The following B3GNT6 variants were observed in gnomAD, a reference collection of about 807,000 sequenced individuals.
B3GNT6 encodes UDP-GlcNAc:betaGal beta-1,3-N-acetylglucosaminyltransferase 6.
For missense variants in B3GNT6, 624 were observed against 568.6 expected (o/e 1.10, Z -0.99); for synonymous variants, 300 against 270.0 (o/e 1.11, Z -1.09).
chr11:77,040,490 C>T lies in B3GNT6; in HGVS notation c.939C>T (p.Gly313=), dbSNP rs782184727. Residue 313 remains glycine (G), a synonymous_variant, in exon 2 of 2, where the codon GGC becomes GGT. Coordinates refer to ENST00000622824, the MANE Select transcript of B3GNT6 (RefSeq NM_138706.5). ...TCCCCATCGACGACGCCTACATGGG[C>T]ATGTGTCTGGAGCGCGCCGGCCTGG... The part of the protein sequence containing the change: ...PLFPIDDAYM[G]MCLERAGLAP... The T allele has an allele frequency of 5.2e-6, 8 of 1,540,988 alleles. No individual in the cohort carries two copies. The highest frequency in any genetic ancestry group is 2.4e-5 in the East Asian group (1 of 41,064).
chr11:77,034,416 A>T lies in B3GNT6; in HGVS notation c.-63A>T, dbSNP rs1419042274. 10 of 152,696 alleles carry T rather than the reference A, an allele frequency of 6.5e-5. No homozygotes were observed. The East Asian group carries it at 1.9e-3, about 29-fold the overall frequency. The allele number at this position is 152,696 out of a possible 1,614,324, so 9.5% of individuals were successfully genotyped here. A position where few individuals can be genotyped will look rare whatever the true frequency, so the allele number is the denominator to read the frequency against. Reference sequence around the variant, plus strand: ...GAACCTCAGTGTGTGAAGTAAAGGGATTAAAGGCTAGTCTCAGGCTGGGGA... The same window carrying T: ...GAACCTCAGTGTGTGAAGTAAAGGGTTTAAAGGCTAGTCTCAGGCTGGGGA... On this transcript the variant is annotated 5_prime_UTR_variant, in exon 1 of 2. Coordinates refer to ENST00000622824, the MANE Select transcript of B3GNT6 (RefSeq NM_138706.5).
At chr11:77,037,960 AGAGGAGGGGGGAAGGGGAGGGG>A (rs1949645491) in intron 1 of B3GNT6, among the ~76,000 whole-genome samples, 1 of 14,992 alleles carries the variant, frequency 6.7e-5, no homozygotes, top group African/African-American at 7.3e-4. Context: ...AAGAAGAAGA[AGAGGAGGGGGGAAGGGGAGGGG>A]GAAGAGGGAG....
In B3GNT6 at chr11:77,040,650, T is replaced by C. The variant is rs1555027873; in HGVS notation, c.1099T>C (p.Trp367Arg). Residue 367 changes from tryptophan to arginine, a missense_variant, in exon 2 of 2, where the codon TGG (tryptophan) becomes CGG (arginine). Physicochemically the swap from Trp to Arg is moderately radical, Grantham distance 101. Coordinates refer to ENST00000622824, the MANE Select transcript of B3GNT6 (RefSeq NM_138706.5). ...CGCGCCCTACGAGATGCTGCTCATG[T>C]GGAAGGCGCTGCACAGCCCCGCGCT... ...RFAPYEMLLM[W>R]KALHSPALSC... The C allele has an allele frequency of 3.1e-6, 5 of 1,600,992 alleles. No homozygotes were observed. Among genetic ancestry groups the C allele is most frequent in the Non-Finnish European group, 4.2e-6 (5 of 1,179,134 alleles).
Position 77,040,606 on chromosome 11 carries a change from T to G in B3GNT6, c.1055T>G (p.Leu352Trp). 2 of 1,597,388 alleles carry G rather than the reference T, an allele frequency of 1.3e-6. No individual in the cohort carries two copies. The highest frequency in any genetic ancestry group is 1.1e-5 in the South Asian group (1 of 90,042). Residue 352 changes from leucine to tryptophan, a missense_variant, in exon 2 of 2, where the codon TTG (leucine) becomes TGG (tryptophan). Transcript: ENST00000622824. ...TTCGACCCCTGCATGTACCGCGAGTTGCTGCTAGTGCACCGCTTCGCGCCC... is the reference window on the plus strand; with the variant it reads ...TTCGACCCCTGCATGTACCGCGAGTGGCTGCTAGTGCACCGCTTCGCGCCC... ...SSFDPCMYRE[L>W]LLVHRFAPYE...
At chr11:77,038,006 AGGGGGATATGG>A (rs1949648061) in intron 1 of B3GNT6, among the ~76,000 whole-genome samples, 1 of 4,806 alleles carries the variant, frequency 2.1e-4, no homozygotes, top group African/African-American at 1.5e-3. Context: ...GAGGGGGAGG[AGGGGGATATGG>A]GAGGAGGGGG....
Position 77,040,039 on chromosome 11 carries a change from A to C in B3GNT6, c.488A>C (p.Glu163Ala). ...RLFLLGTPGPEDEARAERLAE... is the reference protein window; with the variant it reads ...RLFLLGTPGPADEARAERLAE... The stretch of plus-strand genomic sequence containing the variant: ...TTTCTATTGGGCACCCCGGGCCCCG[A>C]GGACGAGGCGCGCGCGGAGCGGCTG... The change falls in exon 2 of 2, where the codon GAG (glutamate) becomes GCG (alanine). Residue 163 changes from glutamate to alanine, a missense_variant. Physicochemically the swap from Glu to Ala is moderately radical, Grantham distance 107 (BLOSUM62 -1). Coordinates refer to ENST00000622824, the MANE Select transcript of B3GNT6 (RefSeq NM_138706.5). The C allele has an allele frequency of 6.3e-7, 1 of 1,581,482 alleles. No homozygotes were observed. The highest frequency in any genetic ancestry group is 1.1e-5 in the South Asian group (1 of 88,892).
intron 1 of B3GNT6, among the ~76,000 whole-genome samples, chr11:77,035,111 A>C (rs1322405398): frequency 6.6e-6 from 1 of 151,226 alleles, no homozygotes; most frequent in Non-Finnish European, 1.5e-5. Context: ...CTGAGTCGAG[A>C]AAAAGAAAAA....
At position 77,039,979 on chromosome 11, in the gene B3GNT6, A is replaced by T; in HGVS notation, c.428A>T (p.Glu143Val). The change falls in exon 2 of 2, where the codon GAG becomes GTG. Residue 143 changes from glutamate (E) to valine (V), a missense_variant. Glu to Val is a moderately radical substitution (Grantham distance 121). Transcript: ENST00000622824. ...CTCATCCGGCGCACGTGGGGGCAAG[A>T]GCGCAGCTACGGCGGGCGGCCAGTG... ...RELIRRTWGQ[E>V]RSYGGRPVRR... is the part of the protein sequence containing the mutation. The T allele has an allele frequency of 6.3e-7, 1 of 1,589,300 alleles. No individual in the cohort carries two copies.
intron 1 of B3GNT6, among the ~76,000 whole-genome samples, chr11:77,034,969 G>A (rs988245347): frequency 6.6e-5 from 10 of 152,216 alleles, no homozygotes; most frequent in South Asian, 4.2e-4. Flanking sequence ...GACCAGCCTC[G>A]CAAACATGGT....
At position 77,039,897 on chromosome 11, in the gene B3GNT6, G is replaced by A; in HGVS notation, c.346G>A (p.Gly116Ser). 6.3e-7 allele frequency: 1 copy of A among 1,591,886 alleles called. No individual in the cohort carries two copies. The highest frequency in any genetic ancestry group is 1.1e-5 in the South Asian group (1 of 89,762). Residue 116 changes from glycine (G) to serine (S), a missense_variant, in exon 2 of 2, where the codon GGC (glycine) becomes AGC (serine). Coordinates refer to ENST00000622824, the MANE Select transcript of B3GNT6 (RefSeq NM_138706.5). ...ACCGGCCAAGTGCGCCGGCGGCCGA[G>A]GCGTGTTCCTGCTCCTGGCGGTGAA... ...DAPAKCAGGR[G>S]VFLLLAVKSA...
intron 1 of B3GNT6, among the ~76,000 whole-genome samples, chr11:77,035,164 A>G (rs1949623763): frequency 6.6e-6 from 1 of 152,260 alleles, no homozygotes; most frequent in African/African-American, 2.4e-5. Context: ...TGCAAAGGCA[A>G]GCAATAAATG....
In B3GNT6 at chr11:77,040,787, G is replaced by A. The variant is rs1472763982; in HGVS notation, c.*81G>A. The A allele has an allele frequency of 2.1e-6, 3 of 1,457,856 alleles. No homozygotes were observed. The highest frequency in any genetic ancestry group is 5.1e-5 in the Admixed American group (2 of 39,122). The allele number at this position is 1,457,856 out of a possible 1,614,324, so 90.3% of individuals were successfully genotyped here. On this transcript the variant is annotated 3_prime_UTR_variant, in exon 2 of 2. Transcript: ENST00000622824. ...AGCTTTCCCGCTCTGGGTACCTTAC[G>A]TCCTGCCCAGCTCTGTGCACCTGAA...
At chr11:77,037,223 A>G (rs6592698) in intron 1 of B3GNT6, 115,197 of 151,994 alleles carry the variant, frequency 0.76, 44,363 homozygotes, top group African/African-American at 0.91. Flanking sequence ...GTGTAGAGAC[A>G]CCAAGCAGGA....
At position 77,040,823 on chromosome 11, in the gene B3GNT6, G is replaced by T. The variant is rs1187674840; in HGVS notation, c.*117G>T. On this transcript the variant is annotated 3_prime_UTR_variant, in exon 2 of 2. Transcript: ENST00000622824. ...CTCTGTGCACCTGAACCCCAGCTGCGCACTGAAATCAGCTGGGGTGGGGGG... is the reference window on the plus strand; with the variant it reads ...CTCTGTGCACCTGAACCCCAGCTGCTCACTGAAATCAGCTGGGGTGGGGGG... The T allele has an allele frequency of 2.2e-6, 3 of 1,383,052 alleles. No homozygotes were observed. Among genetic ancestry groups the T allele is most frequent in the Middle Eastern group, 2.6e-4 (1 of 3,814 alleles). 85.7% of individuals were successfully genotyped at this position (1,383,052 alleles called of 1,614,324 possible).
Position 77,039,974 on chromosome 11 carries a change from G to A in B3GNT6, c.423G>A (p.Gly141=), listed in dbSNP as rs552028769. Residue 141 remains glycine, a synonymous_variant, in exon 2 of 2, where the codon GGG becomes GGA. Transcript: ENST00000622824. Reference sequence around the variant, plus strand: ...GCGAGCTCATCCGGCGCACGTGGGGGCAAGAGCGCAGCTACGGCGGGCGGC... The same window carrying A: ...GCGAGCTCATCCGGCGCACGTGGGGACAAGAGCGCAGCTACGGCGGGCGGC... ...ERRELIRRTW[G]QERSYGGRPV... is the part of the protein sequence containing the mutation. 11 of 1,589,302 alleles carry A rather than the reference G, an allele frequency of 6.9e-6. No individual in the cohort carries two copies. The East Asian group carries it at 2.5e-4, about 36-fold the overall frequency.
chr11:77,039,970 G>T lies in B3GNT6; in HGVS notation c.419G>T (p.Trp140Leu). 1 of 1,589,858 alleles carries T rather than the reference G, an allele frequency of 6.3e-7. No individual in the cohort carries two copies. The highest frequency in any genetic ancestry group is 8.5e-7 in the Non-Finnish European group (1 of 1,175,816). Residue 140 changes from tryptophan (W) to leucine (L), a missense_variant, in exon 2 of 2, where the codon TGG becomes TTG. Physicochemically the swap from Trp to Leu is moderately conservative, Grantham distance 61. Coordinates refer to ENST00000622824, the MANE Select transcript of B3GNT6 (RefSeq NM_138706.5). ...CGACGCGAGCTCATCCGGCGCACGT[G>T]GGGGCAAGAGCGCAGCTACGGCGGG... ...YERRELIRRT[W>L]GQERSYGGRP...
Position 77,040,619 on chromosome 11 carries a change from C to A in B3GNT6, c.1068C>A (p.His356Gln), listed in dbSNP as rs782588970. 6.3e-7 allele frequency: 1 copy of A among 1,598,602 alleles called. No individual in the cohort carries two copies. The highest frequency in any genetic ancestry group is 1.7e-5 in the Admixed American group (1 of 59,672). ...PCMYRELLLV[H>Q]RFAPYEMLLM... The stretch of plus-strand genomic sequence containing the variant: ...TGTACCGCGAGTTGCTGCTAGTGCA[C>A]CGCTTCGCGCCCTACGAGATGCTGC... Residue 356 changes from histidine (H) to glutamine (Q), a missense_variant, in exon 2 of 2, where the codon CAC becomes CAA. Coordinates refer to ENST00000622824, the MANE Select transcript of B3GNT6 (RefSeq NM_138706.5).
Position 77,041,056 on chromosome 11 carries a change from C to A in B3GNT6, c.*350C>A. On this transcript the variant is annotated 3_prime_UTR_variant, in exon 2 of 2. Transcript: ENST00000622824. ...TGCAAGAATTCCGGGCCCCTCGCTCCCACACTCGGGTCCTCTTGAGCAGTG... is the reference window on the plus strand; with the variant it reads ...TGCAAGAATTCCGGGCCCCTCGCTCACACACTCGGGTCCTCTTGAGCAGTG... The A allele has an allele frequency of 3.8e-6, 1 of 264,838 alleles. No individual in the cohort carries two copies. Among genetic ancestry groups the A allele is most frequent in the Admixed American group, 5.2e-5 (1 of 19,278 alleles). 16.4% of individuals were successfully genotyped at this position (264,838 alleles called of 1,614,324 possible).
In B3GNT6 at chr11:77,039,935, G is replaced by C. The variant is rs1555027505; in HGVS notation, c.384G>C (p.Glu128Asp). 1 of 1,592,572 alleles carries C rather than the reference G, an allele frequency of 6.3e-7. No homozygotes were observed. Among genetic ancestry groups the C allele is most frequent in the African/African-American group, 1.3e-5 (1 of 74,226 alleles). The change falls in exon 2 of 2, where the codon GAG becomes GAC. Residue 128 changes from glutamate (E) to aspartate (D), a missense_variant. Transcript: ENST00000622824. ...TCCTGGCGGTGAAGTCGGCGCCTGA[G>C]CACTACGAGCGACGCGAGCTCATCC... The part of the protein sequence containing the change: ...FLLLAVKSAP[E>D]HYERRELIRR...
Sources: allele counts gnomAD v4.1 joint callset (sites outside exome capture counted in the v4.1 genomes callset), GRCh38; gene constraint gnomAD v4.1.1; transcripts MANE v1.5; gene names NCBI Gene and HGNC (gene_info 2026-07-23, HGNC 2026-07-21).